Variants in KCNIP4 observed in about 807,000 individuals in gnomAD.
KCNIP4 encodes the protein potassium voltage-gated channel interacting protein 4, also known as Kv channel-interacting protein 4.
Under a neutral mutation model 34.0 loss-of-function variants are expected in KCNIP4, and 12 were observed. The observed-to-expected ratio is 0.35, with a 90% CI of 0.23 to 0.57. The LOEUF is 0.57. Ranked by LOEUF, KCNIP4 falls within the 20% of genes least tolerant of loss-of-function variation. KCNIP4 has a pLI of 0.83. For missense variants in KCNIP4, 238 were observed against 311.7 expected (o/e 0.76, Z 1.78); for synonymous variants, 124 against 102.2 (o/e 1.21, Z -1.29).
intron 1 of KCNIP4, among the ~76,000 whole-genome samples, chr4:21,748,132 G>A (rs192970971): frequency 7.2e-5 from 11 of 152,250 alleles, no homozygotes; most frequent in Admixed American, 3.9e-4. Context: ...GTGATGATTT[G>A]TTATGACAGC....
chr4:21,794,020 A>C (rs557268598), intron 1 of KCNIP4, among the ~76,000 whole-genome samples: 20 of 152,320 alleles, frequency 1.3e-4, no homozygotes, highest in African/African-American at 4.3e-4. Context: ...CATTCTCACA[A>C]GGACAGAAAA....
intron 1 of KCNIP4, among the ~76,000 whole-genome samples, chr4:21,420,884 A>G (rs763182597): frequency 6.6e-6 from 1 of 152,214 alleles, no homozygotes; most frequent in Non-Finnish European, 1.5e-5. Flanking sequence ...AATATTTGCA[A>G]ACCATTTGAT....
chr4:21,542,371 T>G (rs1023448466), intron 1 of KCNIP4, among the ~76,000 whole-genome samples: 1 of 151,678 alleles, frequency 6.6e-6, no homozygotes, highest in African/African-American at 2.4e-5. Context: ...AAATATATTT[T>G]TAAAGACTTG....
chr4:20,900,190 G>A (rs1727015878), intron 1 of KCNIP4, among the ~76,000 whole-genome samples: 1 of 151,636 alleles, frequency 6.6e-6, no homozygotes, highest in Non-Finnish European at 1.5e-5. Context: ...ATGGAATATA[G>A]GGCTCCTTAG....
intron 1 of KCNIP4, among the ~76,000 whole-genome samples, chr4:21,444,774 A>G (rs1242617999): frequency 3.3e-5 from 5 of 152,202 alleles, no homozygotes; most frequent in Non-Finnish European, 7.4e-5. Flanking sequence ...AGTTCTGGCC[A>G]GGGCAATCAG....
At chr4:21,615,301 G>A (rs1744500417) in intron 1 of KCNIP4, among the ~76,000 whole-genome samples, 1 of 152,044 alleles carries the variant, frequency 6.6e-6, no homozygotes, top group East Asian at 1.9e-4. Context: ...AGCACTTTGG[G>A]AGGCTGAGGC....
At position 20,748,560 on chromosome 4, in the gene KCNIP4, T is replaced by TTA. The variant is rs3075750; in HGVS notation, c.429+1100_429+1101dup. ...CAAAAATAAATGCACCTTCCAAATT[T>TTA]TATATATATATATATATATATATAT... On this transcript the variant is annotated intron_variant, in intron 5 of 8. Coordinates refer to ENST00000382152, the MANE Select transcript of KCNIP4 (RefSeq NM_025221.6). Among the ~76,000 whole-genome samples the TTA allele has an allele frequency of 7.2e-3, 463 of 64,644 alleles. 1 individual carries two copies. Among genetic ancestry groups the TTA allele is most frequent in the Admixed American group, 0.01 (66 of 6,348 alleles). The allele number at this position is 64,644 out of a possible 152,430, so 42.4% of individuals were successfully genotyped here. A position where few individuals can be genotyped will look rare whatever the true frequency, so the allele number is the denominator to read the frequency against.
At chr4:21,412,564 C>T (rs536534216) in intron 1 of KCNIP4, among the ~76,000 whole-genome samples, 1 of 152,270 alleles carries the variant, frequency 6.6e-6, no homozygotes, top group Non-Finnish European at 1.5e-5. Flanking sequence ...TTCTTCATAC[C>T]TTGCTGATTA....
intron 2 of KCNIP4, among the ~76,000 whole-genome samples, chr4:20,859,361 A>G (rs1345449362): frequency 6.6e-6 from 1 of 152,222 alleles, no homozygotes; most frequent in Non-Finnish European, 1.5e-5. Flanking sequence ...TCACTCAGGT[A>G]TCTTGCAGAA....
chr4:20,986,723 GGTAAA>G (rs1159334761), intron 1 of KCNIP4, among the ~76,000 whole-genome samples: 1 of 152,028 alleles, frequency 6.6e-6, no homozygotes, highest in Non-Finnish European at 1.5e-5. Flanking sequence ...TTAGAGAGTT[GGTAAA>G]GTATTTTAAA....
chr4:21,645,810 A>G (rs973691499), intron 1 of KCNIP4, among the ~76,000 whole-genome samples: 7 of 151,904 alleles, frequency 4.6e-5, no homozygotes, highest in African/African-American at 1.7e-4. Flanking sequence ...ATGGGTAGCA[A>G]TGACCACAAC....
intron 1 of KCNIP4, among the ~76,000 whole-genome samples, chr4:21,073,930 G>A (rs529171924): frequency 1.3e-5 from 2 of 152,246 alleles, no homozygotes; most frequent in South Asian, 4.1e-4. Flanking sequence ...TTTATATGCT[G>A]GATTACGTTT....
intron 1 of KCNIP4, among the ~76,000 whole-genome samples, chr4:21,605,587 T>A (rs1035916681): frequency 2.6e-5 from 4 of 152,082 alleles, no homozygotes; most frequent in Non-Finnish European, 5.9e-5. Context: ...TTCAAGCGAT[T>A]CTCCTGCCTC....
At chr4:21,066,556 G>A (rs561294069) in intron 1 of KCNIP4, among the ~76,000 whole-genome samples, 57 of 151,428 alleles carry the variant, frequency 3.8e-4, no homozygotes, top group African/African-American at 1.2e-3. Context: ...ATTGCCATGC[G>A]GCACTGAGAG....
chr4:21,584,313 T>G (rs1577641056), intron 1 of KCNIP4, among the ~76,000 whole-genome samples: 1 of 151,966 alleles, frequency 6.6e-6, no homozygotes, highest in East Asian at 1.9e-4. Context: ...TTTAGAAAAA[T>G]GTAATCAGGT....
chr4:21,744,939 G>A (rs1716671746), intron 1 of KCNIP4, among the ~76,000 whole-genome samples: 1 of 152,074 alleles, frequency 6.6e-6, no homozygotes, highest in Non-Finnish European at 1.5e-5. Context: ...GGTTCAACTT[G>A]GGAGACATTC....
intron 2 of KCNIP4, among the ~76,000 whole-genome samples, chr4:20,874,610 A>C (rs1723805068): frequency 6.6e-6 from 1 of 151,958 alleles, no homozygotes; most frequent in Non-Finnish European, 1.5e-5. Context: ...TATATAATGG[A>C]CCAGGAAAAA....
At chr4:20,757,007 G>C (rs1754530359) in intron 4 of KCNIP4, among the ~76,000 whole-genome samples, 1 of 152,024 alleles carries the variant, frequency 6.6e-6, no homozygotes, top group Non-Finnish European at 1.5e-5. Context: ...CTTGTCCTCT[G>C]AGCCTCACAT....
chr4:20,753,283 A>G (rs1486104307), intron 4 of KCNIP4, among the ~76,000 whole-genome samples: 1 of 152,162 alleles, frequency 6.6e-6, no homozygotes, highest in East Asian at 1.9e-4. Context: ...TCTCTTAGAA[A>G]TCGAGGATAC....
Sources: allele counts gnomAD v4.1 joint callset (sites outside exome capture counted in the v4.1 genomes callset), GRCh38; gene constraint gnomAD v4.1.1; transcripts MANE v1.5; gene names NCBI Gene and HGNC (gene_info 2026-07-23, HGNC 2026-07-21).